The following RBPJ variants were observed in gnomAD, a reference collection of about 807,000 sequenced individuals.
The protein encoded by RBPJ is recombining binding protein suppressor of hairless.
A neutral mutation model predicts 67.8 loss-of-function variants in RBPJ; 9 were observed. The observed-to-expected ratio is 0.13, with a 90% confidence interval of 0.08 to 0.23. RBPJ has a LOEUF of 0.23. RBPJ is among the 10% of genes least tolerant of loss of function. RBPJ has a pLI of 1.00. For synonymous variants in RBPJ, 198 were observed against 203.3 expected (o/e 0.97, Z 0.22); for missense variants, 305 against 595.6 (o/e 0.51, Z 5.08).
chr4:26,393,376 T>G (rs1731739353), intron 2 of RBPJ, among the ~76,000 whole-genome samples: 1 of 152,142 alleles, frequency 6.6e-6, no homozygotes. Context: ...ATCTGGCCTT[T>G]TTTTGTTTTG....
chr4:26,211,620 T>C (rs555366580), intron 1 of RBPJ, among the ~76,000 whole-genome samples: 1 of 152,302 alleles, frequency 6.6e-6, no homozygotes, highest in African/African-American at 2.4e-5. Flanking sequence ...GCACCATCCT[T>C]AGTGCAGTGG....
intron 1 of RBPJ, among the ~76,000 whole-genome samples, chr4:26,350,832 A>G (rs749159054): frequency 5.3e-5 from 8 of 152,176 alleles, no homozygotes; most frequent in Non-Finnish European, 8.8e-5. Context: ...AGTTTTAGGT[A>G]TGAGGTTGTG....
At chr4:26,237,669 A>G (rs893245002) in intron 1 of RBPJ, among the ~76,000 whole-genome samples, 1 of 152,228 alleles carries the variant, frequency 6.6e-6, no homozygotes, top group African/African-American at 2.4e-5. Context: ...TACTAGAGCC[A>G]TGATCACGAG....
At position 26,171,194 on chromosome 4, in the gene RBPJ, T is replaced by C. The variant is rs1716567060; in HGVS notation, c.-167+7580T>C. 1.3e-5 allele frequency among the ~76,000 whole-genome samples: 2 copies of C among 152,222 alleles called. 1 individual carries two copies. Among genetic ancestry groups the C allele is most frequent in the South Asian group, 4.1e-4 (2 of 4,830 alleles). On this transcript the variant is annotated intron_variant, in intron 1 of 4. Coordinates refer to the RBPJ transcript ENST00000512351. ...TATAATTTCTCTTCCTATTTTTGTT[T>C]TGAGTTTCACATGAAATATTTCTTA...
intron 1 of RBPJ, among the ~76,000 whole-genome samples, chr4:26,190,155 T>G (rs1169195694): frequency 6.6e-6 from 1 of 152,354 alleles, no homozygotes; most frequent in South Asian, 2.1e-4. Context: ...ATCAGCTACT[T>G]GTAGCATTTG....
At chr4:26,416,779 G>A (rs1042426651) in intron 4 of RBPJ, among the ~76,000 whole-genome samples, 2 of 151,988 alleles carry the variant, frequency 1.3e-5, no homozygotes, top group Non-Finnish European at 2.9e-5. Flanking sequence ...GTGAGCTAGG[G>A]GATTTGTACT....
intron 1 of RBPJ, among the ~76,000 whole-genome samples, chr4:26,293,710 A>G (rs1356963463): frequency 1.3e-5 from 2 of 152,058 alleles, no homozygotes; most frequent in Non-Finnish European, 2.9e-5. Context: ...TTATGATGGC[A>G]AAACAATTCA....
At chr4:26,403,135 G>A (rs775821205) in intron 2 of RBPJ, among the ~76,000 whole-genome samples, 7 of 151,720 alleles carry the variant, frequency 4.6e-5, no homozygotes, top group Middle Eastern at 3.2e-3. Context: ...ATTGCCTTTC[G>A]TTTAGATTGA....
rs973884995 is a variant in RBPJ at position 26,357,644 on chromosome 4, G to A, written c.21-28709G>A. Reference sequence around the variant, plus strand: ...GTTTAGTGGTAGTAAGTACATTCACGGTGCTATGCAACTATCACTACCATC... The same window carrying A: ...GTTTAGTGGTAGTAAGTACATTCACAGTGCTATGCAACTATCACTACCATC... On this transcript the variant is annotated intron_variant, in intron 1 of 10. Transcript: ENST00000355476. Among the ~76,000 whole-genome samples the A allele has an allele frequency of 1.6e-4, 24 of 151,904 alleles. 1 individual carries two copies. The highest frequency in any genetic ancestry group is 3.9e-4 in the African/African-American group (16 of 41,308).
chr4:26,154,364 A>G, the RBPJ span, among the ~76,000 whole-genome samples: 1 of 152,172 alleles, frequency 6.6e-6, no homozygotes, highest in African/African-American at 2.4e-5. Context: ...CATTCTGACA[A>G]GTGTCTGTGC....
At chr4:26,191,208 T>TAG (rs1193671956) in intron 1 of RBPJ, among the ~76,000 whole-genome samples, 55 of 27,250 alleles carry the variant, frequency 2.0e-3, no homozygotes, top group Admixed American at 2.7e-3. Flanking sequence ...TATATATATA[T>TAG]ATAGAGAGAG....
intron 2 of RBPJ, among the ~76,000 whole-genome samples, chr4:26,387,855 G>A (rs898507321): frequency 1.1e-4 from 17 of 152,128 alleles, no homozygotes; most frequent in African/African-American, 3.6e-4. Context: ...TGGGGCATTC[G>A]CTAGAGTGCT....
At chr4:26,337,726 A>C (rs1577466957) in intron 1 of RBPJ, among the ~76,000 whole-genome samples, 3 of 129,936 alleles carry the variant, frequency 2.3e-5, no homozygotes, top group Admixed American at 1.9e-4. Flanking sequence ...TCACTCTGTC[A>C]CCCAGGCTGG....
chr4:26,185,261 T>C (rs1463737667), intron 1 of RBPJ, among the ~76,000 whole-genome samples: 1 of 152,166 alleles, frequency 6.6e-6, no homozygotes, highest in Admixed American at 6.5e-5. Flanking sequence ...GCAAACTTCT[T>C]ACGGTATTTC....
chr4:26,342,544 C>T (rs1179984071), intron 1 of RBPJ, among the ~76,000 whole-genome samples: 2 of 152,130 alleles, frequency 1.3e-5, no homozygotes, highest in Non-Finnish European at 2.9e-5. Flanking sequence ...TTCTCCCATG[C>T]GTGGTTAACT....
rs1233050139 is a variant in RBPJ, at chr4:26,434,334, A to G, written c.*3327A>G. On this transcript the variant is annotated 3_prime_UTR_variant, in exon 11 of 11. Transcript: ENST00000355476. ...GCTTTCACAAAAAACTTCCAATGCC[A>G]TTTTTGAGAACTAACCTAACTAGTC... 2 of 152,184 alleles carry G rather than the reference A, an allele frequency of 1.3e-5. No individual in the cohort carries two copies. Among genetic ancestry groups the G allele is most frequent in the Admixed American group, 6.5e-5 (1 of 15,284 alleles). 9.4% of individuals were successfully genotyped at this position (152,184 alleles called of 1,614,324 possible).
the RBPJ span, among the ~76,000 whole-genome samples, chr4:26,123,379 A>G: frequency 6.6e-6 from 1 of 152,224 alleles, no homozygotes; most frequent in Non-Finnish European, 1.5e-5. Context: ...AGCTTGCAGG[A>G]CCGCAAGTTG....
chr4:26,388,209 C>G (rs1400071823), intron 2 of RBPJ, among the ~76,000 whole-genome samples: 1 of 152,086 alleles, frequency 6.6e-6, no homozygotes, highest in Admixed American at 6.6e-5. Context: ...GTTGCCCAGG[C>G]TCATCTTGAA....
At chr4:26,348,253 C>T (rs759893180) in intron 1 of RBPJ, among the ~76,000 whole-genome samples, 53 of 152,250 alleles carry the variant, frequency 3.5e-4, no homozygotes, top group African/African-American at 1.0e-3. Flanking sequence ...GAGCCATCAT[C>T]GTGCCCGGCC....
Sources: allele counts gnomAD v4.1 joint callset (sites outside exome capture counted in the v4.1 genomes callset), GRCh38; gene constraint gnomAD v4.1.1; transcripts MANE v1.5; gene names NCBI Gene and HGNC (gene_info 2026-07-23, HGNC 2026-07-21).